BEGAIN: variants seen among roughly 807,000 people sequenced by gnomAD.
BEGAIN encodes the protein brain enriched guanylate kinase associated.
In BEGAIN, 19 loss-of-function variants were observed where a neutral mutation model predicts 35.8. The ratio of observed to expected loss-of-function variants is 0.53; its 90% CI spans 0.37 to 0.78. The LOEUF is 0.78. BEGAIN is among the 30% of genes least tolerant of loss of function. The probability of loss-of-function intolerance (pLI) is 0.00; values close to 1 mark genes in which losing one functional copy is unlikely to be tolerated. For synonymous variants in BEGAIN, 462 were observed against 388.6 expected, an observed-to-expected ratio of 1.19 and a Z score of -2.22; for missense variants, 795 against 853.6, an observed-to-expected ratio of 0.93 and a Z score of 0.85.
chr14:100,568,024 G>A lies in BEGAIN; in HGVS notation c.43-85C>T, dbSNP rs1313953075. The A allele has an allele frequency of 4.7e-5, 58 of 1,238,820 alleles. No individual in the cohort carries two copies. The highest frequency in any genetic ancestry group is 5.8e-5 in the Non-Finnish European group (57 of 979,436). The allele number at this position is 1,238,820 out of a possible 1,614,324, so 76.7% of individuals were successfully genotyped here. On this transcript the variant is annotated intron_variant, in intron 1 of 6. Coordinates refer to ENST00000554140, the MANE Select transcript of BEGAIN (RefSeq NM_001385089.1). The surrounding 1 kb of genome is among the most constrained non-coding windows in gnomAD (Gnocchi z 7.5). ...GGGCAGAGCCGGGCACAGCGGGCAC[G>A]GCCGGGCAACCCCGCGGGGCCCCGT...
In BEGAIN at chr14:100,558,615, A is replaced by G. The variant is rs2033968224; in HGVS notation, c.71+9296T>C. ...AGCACAGATCTGCTGGGCGCAGCTG[A>G]GCTCCCATCGCCCCTACAAATCCAC... On this transcript the variant is annotated intron_variant, in intron 2 of 6. Coordinates refer to ENST00000554140, the MANE Select transcript of BEGAIN (RefSeq NM_001385089.1). This position sits in a 1 kb window ranked among gnomAD's most constrained non-coding sequence, Gnocchi z 4.6. 6.6e-6 allele frequency among the ~76,000 whole-genome samples: 1 copy of G among 151,988 alleles called. No individual in the cohort carries two copies. Among genetic ancestry groups the G allele is most frequent in the Non-Finnish European group, 1.5e-5 (1 of 67,990 alleles).
rs2034927919 is a variant in BEGAIN at position 100,568,637 on chromosome 14, G to A, written c.43-698C>T. On this transcript the variant is annotated intron_variant, in intron 1 of 6. Transcript: ENST00000554140. This position sits in a 1 kb window ranked among gnomAD's most constrained non-coding sequence, Gnocchi z 7.5. The stretch of plus-strand genomic sequence containing the variant: ...CGCGCGCGGCTTGGAGACCCTCCCT[G>A]CCCAGCCCCGCTCAGCCGGGCAGCC... 4.4e-6 allele frequency: 3 copies of A among 677,612 alleles called. No individual in the cohort carries two copies. The highest frequency in any genetic ancestry group is 1.0e-4 in the Admixed American group (2 of 19,892). The allele number at this position is 677,612 out of a possible 1,614,324, so 42.0% of individuals were successfully genotyped here. A position where few individuals can be genotyped will look rare whatever the true frequency, so the allele number is the denominator to read the frequency against.
chr14:100,548,129 A>G (rs1315870895), intron 2 of BEGAIN: 1 of 152,214 alleles, frequency 6.6e-6, no homozygotes, highest in African/African-American at 2.4e-5. Context: ...TAGAGTAACA[A>G]GCAAAGAGGG....
At chr14:100,583,692 CTTT>C (rs56090356) in intron 1 of BEGAIN, among the ~76,000 whole-genome samples, 81 of 108,972 alleles carry the variant, frequency 7.4e-4, no homozygotes, top group African/African-American at 1.7e-3. Flanking sequence ...GTTTTTCTTC[CTTT>C]TTTTTTTTTT....
At chr14:100,571,727 C>T (rs1243794369) in intron 1 of BEGAIN, among the ~76,000 whole-genome samples, 2 of 152,122 alleles carry the variant, frequency 1.3e-5, no homozygotes, top group Non-Finnish European at 2.9e-5. Context: ...GCCAAATCAT[C>T]CGACCCCCAT....
In BEGAIN at chr14:100,558,366, C is replaced by G. The variant is rs893259925; in HGVS notation, c.71+9545G>C. Among the ~76,000 whole-genome samples, 1 of 152,196 alleles carries G rather than the reference C, an allele frequency of 6.6e-6. No individual in the cohort carries two copies. Among genetic ancestry groups the G allele is most frequent in the Non-Finnish European group, 1.5e-5 (1 of 68,032 alleles). On this transcript the variant is annotated intron_variant, in intron 2 of 6. Coordinates refer to ENST00000554140, the MANE Select transcript of BEGAIN (RefSeq NM_001385089.1). This position sits in a 1 kb window ranked among gnomAD's most constrained non-coding sequence, Gnocchi z 4.6. ...TGCCTCTCCCTGCTCCCGCACCTCC[C>G]ACCCTCACTGCGCTCTCCGGCTGCC...
chr14:100,557,477 C>T (rs1274152320), intron 2 of BEGAIN, among the ~76,000 whole-genome samples: 2 of 152,216 alleles, frequency 1.3e-5, no homozygotes, highest in Non-Finnish European at 2.9e-5. Flanking sequence ...CCATTTCTGA[C>T]ACCCACTCTC....
chr14:100,570,935 C>G (rs2035062247), intron 1 of BEGAIN, among the ~76,000 whole-genome samples: 1 of 152,166 alleles, frequency 6.6e-6, no homozygotes, highest in Non-Finnish European at 1.5e-5. Flanking sequence ...CGCGGCGCTG[C>G]CTGGGTCTTG....
chr14:100,566,128 C>A (rs1420833177), intron 2 of BEGAIN, among the ~76,000 whole-genome samples: 1 of 152,222 alleles, frequency 6.6e-6, no homozygotes, highest in Non-Finnish European at 1.5e-5. Flanking sequence ...GGAGTCCTTG[C>A]CCCACGCCAC....
chr14:100,546,337 C>G (rs1217611272), intron 3 of BEGAIN, 164 bp downstream of exon 3: 1 of 450,332 alleles, frequency 2.2e-6, no homozygotes, highest in Admixed American at 5.3e-5. Context: ...GGGCCCTGCC[C>G]CACCCCGGCC....
intron 2 of BEGAIN, among the ~76,000 whole-genome samples, chr14:100,562,980 C>A (rs187169806): frequency 1.2e-4 from 19 of 152,314 alleles, no homozygotes; most frequent in African/African-American, 4.6e-4. Flanking sequence ...AGCAGCAGGG[C>A]CGGCTCACGG....
At chr14:100,585,940 GTGCT>G (rs1321539576) in intron 1 of BEGAIN, among the ~76,000 whole-genome samples, 3 of 152,258 alleles carry the variant, frequency 2.0e-5, no homozygotes, top group Non-Finnish European at 4.4e-5. Context: ...ATCTGCCACA[GTGCT>G]TGCTTTTCCA....
chr14:100,546,264 C>A (rs1382619280), intron 3 of BEGAIN: 1 of 250,656 alleles, frequency 4.0e-6, no homozygotes, highest in Non-Finnish European at 8.0e-6. Flanking sequence ...TCTGGACTCC[C>A]CATCTGAGTG....
In BEGAIN at chr14:100,567,402, C is replaced by T. The variant is rs932042091; in HGVS notation, c.71+509G>A. Among the ~76,000 whole-genome samples the T allele has an allele frequency of 3.9e-5, 6 of 151,908 alleles. No homozygotes were observed. The highest frequency in any genetic ancestry group is 8.8e-5 in the Non-Finnish European group (6 of 67,944). On this transcript the variant is annotated intron_variant, in intron 2 of 6. Transcript: ENST00000554140. This position sits in a 1 kb window ranked among gnomAD's most constrained non-coding sequence, Gnocchi z 5.1. ...AAGACGCGGCTGCCTGGTCCAGCCG[C>T]GAGGACTCCATCCCCCACCCCCGCC...
In BEGAIN at chr14:100,543,301, T is replaced by TTG. The variant is rs201044153; in HGVS notation, c.408+556_408+557insCA. Among the ~76,000 whole-genome samples the TTG allele has an allele frequency of 8.9e-3, 1,340 of 150,890 alleles. 18 individuals are homozygous for TTG. Among genetic ancestry groups the TTG allele is most frequent in the African/African-American group, 0.032 (1,289 of 40,274 alleles). ...CTCCACGTGGCCAGAGGTGTTTTTTTTTTTGTTTTTTTTTTTGCCTGTGTT... is the reference window on the plus strand; with the variant it reads ...CTCCACGTGGCCAGAGGTGTTTTTTTTGTTTTGTTTTTTTTTTTGCCTGTGTT... On this transcript the variant is annotated intron_variant, in intron 5 of 6. Coordinates refer to ENST00000554140, the MANE Select transcript of BEGAIN (RefSeq NM_001385089.1).
At chr14:100,582,545 T>C (rs1212546193) in intron 1 of BEGAIN, among the ~76,000 whole-genome samples, 1 of 152,226 alleles carries the variant, frequency 6.6e-6, no homozygotes. Context: ...CCCTGGATTT[T>C]CCACGCTGGC....
intron 5 of BEGAIN, 128 bp downstream of exon 5, chr14:100,543,730 G>A (rs936684212): frequency 4.2e-6 from 3 of 722,634 alleles, no homozygotes; most frequent in East Asian, 5.5e-5. Context: ...CCAGCCCCTT[G>A]AGGCTGGGGC....
chr14:100,585,458 A>G (rs1270301735), intron 1 of BEGAIN, among the ~76,000 whole-genome samples: 1 of 137,830 alleles, frequency 7.3e-6, no homozygotes, highest in Non-Finnish European at 1.6e-5. Flanking sequence ...CCATCCATCC[A>G]TTCATCCATC....
chr14:100,547,730 T>G (rs2032719475), intron 2 of BEGAIN: 1 of 152,310 alleles, frequency 6.6e-6, no homozygotes, highest in African/African-American at 2.4e-5. Context: ...CCGGGTGTCA[T>G]GAAGGAAACT....
Sources: allele counts gnomAD v4.1 joint callset (sites outside exome capture counted in the v4.1 genomes callset), GRCh38; gene constraint gnomAD v4.1.1; non-coding constraint Gnocchi (gnomAD v3.1); transcripts MANE v1.5; gene names NCBI Gene and HGNC (gene_info 2026-07-23, HGNC 2026-07-21).